The following SLC6A12 variants were observed in gnomAD, a reference collection of about 807,000 sequenced individuals.
The protein encoded by SLC6A12 is sodium- and chloride-dependent betaine transporter.
In SLC6A12, 50 loss-of-function variants were observed where a neutral mutation model predicts 73.3. The ratio of observed to expected loss-of-function variants is 0.68; its 90% CI spans 0.54 to 0.86. The LOEUF (loss-of-function observed/expected upper bound fraction) is 0.86. Among genes scored for constraint, SLC6A12 ranks in the 40% least tolerant of loss-of-function variants. SLC6A12 has a pLI of 0.00. For synonymous variants in SLC6A12, 304 were observed against 309.2 expected, an observed-to-expected ratio of 0.98 and a Z score of 0.18; for missense variants, 648 against 772.8, an observed-to-expected ratio of 0.84 and a Z score of 1.92.
intron 2 of SLC6A12, 117 bp from the exon 3 acceptor site, chr12:210,160 T>G: frequency 7.6e-7 from 1 of 1,307,988 alleles, no homozygotes; most frequent in Non-Finnish European, 1.0e-6. Flanking sequence ...TCCATGGCAT[T>G]TACACCTAAA....
chr12:191,670 TG>T (rs1939607821), intron 15 of SLC6A12, among the ~76,000 whole-genome samples: 1 of 152,182 alleles, frequency 6.6e-6, no homozygotes, highest in Admixed American at 6.5e-5. Context: ...CTGTTGGTGG[TG>T]GTGGTGGTGG....
Position 204,663 on chromosome 12 carries a change from CAAAG to C in SLC6A12, c.246_249del (p.Phe82LeufsTer47). On this transcript the variant is annotated frameshift_variant, in exon 4 of 16. Transcript: ENST00000684302. LOFTEE classifies it high-confidence loss of function. ...AGGAAGAACACCGGGATGCCGCAGA[CAAAG>C]AAGAAGATGAAGTAGGGGATGAAGA... 3.7e-6 allele frequency: 6 copies of C among 1,614,144 alleles called. No homozygotes were observed. The highest frequency in any genetic ancestry group is 1.3e-5 in the African/African-American group (1 of 75,038).
At chr12:187,632 C>CAAAAAAAAA (rs766643317), downstream of SLC6A12, among the ~76,000 whole-genome samples, 2 of 96,380 alleles carry the variant, frequency 2.1e-5, no homozygotes, top group Non-Finnish European at 4.0e-5. Flanking sequence ...AAAAAAAAAA[C>CAAAAAAAAA]AAACCACACA....
intron 2 of SLC6A12, chr12:210,388 C>A (rs1342241383): frequency 1.8e-6 from 2 of 1,105,044 alleles, no homozygotes; most frequent in Non-Finnish European, 2.2e-6. Context: ...TCCTTGATGT[C>A]TGCTGAGTGA....
intron 14 of SLC6A12, 97 bp downstream of exon 14, chr12:193,180 G>T (rs1939692966): frequency 3.5e-6 from 3 of 859,126 alleles, no homozygotes; most frequent in Non-Finnish European, 6.0e-6. Context: ...AGACTGGACA[G>T]GTGGGGAAAG....
intron 6 of SLC6A12, chr12:201,330 G>A (rs1314291935): frequency 4.6e-6 from 1 of 215,156 alleles, no homozygotes; most frequent in Non-Finnish European, 9.3e-6. Flanking sequence ...TGTCAGGTGA[G>A]AGGGTGAGTG....
intron 10 of SLC6A12, 41 bp from the exon 11 acceptor site, chr12:196,923 G>C (rs746271259): frequency 7.6e-6 from 11 of 1,450,010 alleles, no homozygotes; most frequent in Non-Finnish European, 8.7e-6. Flanking sequence ...TCCAGGGCGT[G>C]TGCTGCCCTT....
In SLC6A12 at chr12:197,404, C is replaced by A; in HGVS notation, c.1048G>T (p.Val350Leu). Reference sequence around the variant, plus strand: ...GACTCGGCCACTTCAGAAATGGGCACCCCTTGCTCTTGGGACATGAAGCCC... The same window carrying A: ...GACTCGGCCACTTCAGAAATGGGCAACCCTTGCTCTTGGGACATGAAGCCC... Reference protein sequence around the residue: ...ILGFMSQEQGVPISEVAESGP... With the variant: ...ILGFMSQEQGLPISEVAESGP... Residue 350 changes from valine (V) to leucine (L), a missense_variant, in exon 10 of 16, where the codon GTG becomes TTG. Physicochemically the swap from Val to Leu is conservative, Grantham distance 32. Coordinates refer to ENST00000684302, the MANE Select transcript of SLC6A12 (RefSeq NM_001122848.3). The A allele has an allele frequency of 6.2e-7, 1 of 1,613,764 alleles. No homozygotes were observed.
rs570912617 is a variant in SLC6A12 at position 195,428 on chromosome 12, C to T, written c.1327-101G>A. The T allele has an allele frequency of 2.2e-5, 17 of 770,432 alleles. 1 individual carries two copies. Among genetic ancestry groups the T allele is most frequent in the South Asian group, 2.2e-4 (14 of 64,524 alleles). 47.7% of individuals were successfully genotyped at this position (770,432 alleles called of 1,614,324 possible). On this transcript the variant is annotated intron_variant, in intron 12 of 15. Coordinates refer to ENST00000684302, the MANE Select transcript of SLC6A12 (RefSeq NM_001122848.3). ...ATGCCCACGTGGGGTGCACTCCTGC[C>T]CGGCCTGTGGGATGCCATTCCTTGC...
chr12:200,201 C>G (rs574039680), intron 7 of SLC6A12, among the ~76,000 whole-genome samples: 4 of 149,722 alleles, frequency 2.7e-5, no homozygotes, highest in Non-Finnish European at 5.9e-5. Context: ...CTCCGCCTCC[C>G]GGGTTCACGC....
chr12:191,287 G>A, intron 15 of SLC6A12, 76 bp from the exon 16 acceptor site: 5 of 1,218,180 alleles, frequency 4.1e-6, no homozygotes, highest in Non-Finnish European at 5.2e-6. Context: ...TGCAACCCCA[G>A]GGCCCAGCCC....
At position 202,816 on chromosome 12, in the gene SLC6A12, G is replaced by C. The variant is rs1940348308; in HGVS notation, c.414C>G (p.Ala138=). The change falls in exon 5 of 16, where the codon GCC becomes GCG. Residue 138 remains alanine, a synonymous_variant. Coordinates refer to ENST00000684302, the MANE Select transcript of SLC6A12 (RefSeq NM_001122848.3). ...YLNVYYIIIL[A]WALFYLFSSF... The stretch of plus-strand genomic sequence containing the variant: ...AGCTGAACAGGTAGAAGAGAGCCCA[G>C]GCAAGGATGATGATGTAGTAGACAT... 6.2e-7 allele frequency: 1 copy of C among 1,613,866 alleles called. No individual in the cohort carries two copies. Among genetic ancestry groups the C allele is most frequent in the Admixed American group, 1.7e-5 (1 of 59,998 alleles).
chr12:184,202 CAATAT>C, the SLC6A12 span, among the ~76,000 whole-genome samples: 1 of 151,842 alleles, frequency 6.6e-6, no homozygotes, highest in African/African-American at 2.4e-5. Flanking sequence ...AGGAGAAAAA[CAATAT>C]AATTATCTCA....
rs1323776791 is a variant in SLC6A12, at chr12:193,282, A to G, written c.1525T>C (p.Cys509Arg). The change falls in exon 14 of 16, where the codon TGC becomes CGC. Residue 509 changes from cysteine (C) to arginine (R), a missense_variant. Transcript: ENST00000684302. ...GGCAGCTGGTGGGCACATACCAGGC[A>G]AAGTCCAGGGGTCAGGAAGAGCCAG... Reference protein sequence around the residue: ...ISWLFLTPGLCLATFLFSLSK... With the variant: ...ISWLFLTPGLRLATFLFSLSK... 1.2e-6 allele frequency: 2 copies of G among 1,612,184 alleles called. No homozygotes were observed. Among genetic ancestry groups the G allele is most frequent in the Admixed American group, 1.7e-5 (1 of 59,986 alleles).
At chr12:201,094 C>A in intron 6 of SLC6A12, 1 of 281,816 alleles carries the variant, frequency 3.5e-6, no homozygotes, top group Non-Finnish European at 6.7e-6. Context: ...GGTTGATGGG[C>A]AAGTGCATGG....
chr12:212,967 G>A (rs3759373), intron 1 of SLC6A12, among the ~76,000 whole-genome samples: 2,621 of 152,166 alleles, frequency 0.017, 68 homozygotes, highest in South Asian at 0.11. Context: ...TTTCCACACC[G>A]GGCTTGGTGC....
chr12:198,197 T>G lies in SLC6A12; in HGVS notation c.847-194A>C, dbSNP rs1161170457. 6.6e-6 allele frequency among the ~76,000 whole-genome samples: 1 copy of G among 152,180 alleles called. No homozygotes were observed. The highest frequency in any genetic ancestry group is 1.9e-4 in the East Asian group (1 of 5,190). ...TGATCTCCTCCCCAGTGCGGCCCAG[T>G]TTCGGTTTGGTTCTGTAGGCACTTA... On this transcript the variant is annotated intron_variant, in intron 8 of 15. Transcript: ENST00000684302. This position sits in a 1 kb window ranked among gnomAD's most constrained non-coding sequence, Gnocchi z 4.0.
Position 204,480 on chromosome 12 carries a change from C to T in SLC6A12, c.349+84G>A, listed in dbSNP as rs117351235. ...GGGAGTGAGCGGATGGGTGAAGCAG[C>T]GGATGGGTAGGCAGGGAGAGACCAT... On this transcript the variant is annotated intron_variant, in intron 4 of 15. Transcript: ENST00000684302. 292 of 1,327,472 alleles carry T rather than the reference C, an allele frequency of 2.2e-4. 3 individuals are homozygous for T. The East Asian group carries it at 4.4e-3, about 20-fold the overall frequency. 82.2% of individuals were successfully genotyped at this position (1,327,472 alleles called of 1,614,324 possible).
intron 13 of SLC6A12, among the ~76,000 whole-genome samples, chr12:194,965 C>T (rs1024806827): frequency 2.6e-5 from 4 of 152,210 alleles, no homozygotes; most frequent in Admixed American, 1.3e-4. Flanking sequence ...GGACACTGTG[C>T]GCTGTGCACT....
Sources: gnomAD v4.1 joint callset for allele counts (sites outside exome capture counted in the v4.1 genomes callset) on GRCh38, gnomAD v4.1.1 for gene constraint, Gnocchi (gnomAD v3.1) non-coding constraint, MANE v1.5 for transcripts, NCBI Gene and HGNC (gene_info 2026-07-23, HGNC 2026-07-21) for gene names.